Variants in TBC1D5 observed in about 807,000 individuals in gnomAD.
TBC1D5 encodes the protein TBC1 domain family member 5.
TBC1D5 carries 75 observed loss-of-function variants against 100.3 expected under a neutral mutation model. The ratio of observed to expected loss-of-function variants is 0.75; its 90% CI spans 0.62 to 0.91. The LOEUF is 0.91. Ranked by LOEUF, TBC1D5 falls within the 40% of genes least tolerant of loss-of-function variation. The pLI, the probability that TBC1D5 is intolerant of heterozygous loss-of-function variation, is 0.00. For synonymous variants in TBC1D5, 323 were observed against 325.6 expected (o/e 0.99, Z 0.09); for missense variants, 910 against 942.4 (o/e 0.97, Z 0.45).
intron 8 of TBC1D5, 38 bp downstream of exon 8, chr3:17,403,143 T>G (rs1441991090): frequency 6.7e-7 from 1 of 1,501,892 alleles, no homozygotes; most frequent in Admixed American, 2.1e-5. Context: ...AACAACAATT[T>G]GAATTATTGA....
chr3:17,606,316 G>T (rs1015083604), intron 2 of TBC1D5, among the ~76,000 whole-genome samples: 1 of 152,132 alleles, frequency 6.6e-6, no homozygotes, highest in African/African-American at 2.4e-5. Context: ...GGTGGCATGC[G>T]CCTGGGGTTC....
At chr3:17,397,638 G>C (rs1406347820) in intron 8 of TBC1D5, among the ~76,000 whole-genome samples, 1 of 152,150 alleles carries the variant, frequency 6.6e-6, no homozygotes, top group Non-Finnish European at 1.5e-5. Flanking sequence ...TGGCCTCCCA[G>C]AGTGCTGGGA....
At chr3:17,506,018 A>C (rs1296853227) in intron 3 of TBC1D5, among the ~76,000 whole-genome samples, 4 of 152,246 alleles carry the variant, frequency 2.6e-5, no homozygotes, top group Non-Finnish European at 1.5e-5. Context: ...TAAAAATTAC[A>C]CATAACTTCT....
chr3:17,721,919 T>C lies in TBC1D5; in HGVS notation c.-101+17424A>G, dbSNP rs533129612. Among the ~76,000 whole-genome samples, 10 of 151,866 alleles carry C rather than the reference T, an allele frequency of 6.6e-5. No individual in the cohort carries two copies. The East Asian group carries it at 1.7e-3, about 27-fold the overall frequency. On this transcript the variant is annotated intron_variant, in intron 1 of 21. Transcript: ENST00000253692. ...ATCATTTGAACCCAGGAGGCAGAGATTGCAGTGAGCCGAGATCACGCCATT... is the reference window on the plus strand; with the variant it reads ...ATCATTTGAACCCAGGAGGCAGAGACTGCAGTGAGCCGAGATCACGCCATT...
intron 13 of TBC1D5, among the ~76,000 whole-genome samples, chr3:17,323,903 CATATT>C (rs2150990162): frequency 6.6e-6 from 1 of 152,256 alleles, no homozygotes; most frequent in African/African-American, 2.4e-5. Context: ...TTGGAGGACT[CATATT>C]ATGTGATATA....
chr3:17,314,016 T>C (rs1454856644), intron 13 of TBC1D5, among the ~76,000 whole-genome samples: 5 of 152,174 alleles, frequency 3.3e-5, no homozygotes, highest in African/African-American at 9.7e-5. Context: ...GAAAGTGCCC[T>C]GACCCTGTCT....
chr3:17,444,987 T>C (rs186490343), intron 3 of TBC1D5, among the ~76,000 whole-genome samples: 75 of 152,294 alleles, frequency 4.9e-4, no homozygotes, highest in Admixed American at 1.8e-3. Context: ...AATAACTTCA[T>C]TGAAAGTCAG....
chr3:17,196,997 A>C (rs1312120086), intron 18 of TBC1D5, among the ~76,000 whole-genome samples: 2 of 152,220 alleles, frequency 1.3e-5, no homozygotes, highest in Non-Finnish European at 2.9e-5. Flanking sequence ...ACGCAGCTAC[A>C]CGTAGGAATG....
chr3:17,426,627 C>A (rs1261281784), intron 4 of TBC1D5, among the ~76,000 whole-genome samples: 1 of 151,836 alleles, frequency 6.6e-6, no homozygotes, highest in Non-Finnish European at 1.5e-5. Context: ...ATTTAGTTAA[C>A]AACGTAAGTA....
chr3:17,176,637 C>G, intron 19 of TBC1D5, among the ~76,000 whole-genome samples: 1 of 152,008 alleles, frequency 6.6e-6, no homozygotes, highest in Admixed American at 6.6e-5. Context: ...ACATCATACA[C>G]TGGGGCCTGT....
chr3:17,426,123 AG>A (rs1167060484), intron 4 of TBC1D5, among the ~76,000 whole-genome samples: 2 of 152,214 alleles, frequency 1.3e-5, no homozygotes, highest in African/African-American at 4.8e-5. Flanking sequence ...GTCATGCAAA[AG>A]GACATCTGAG....
At chr3:17,459,529 T>G (rs752764643) in intron 3 of TBC1D5, among the ~76,000 whole-genome samples, 1 of 152,216 alleles carries the variant, frequency 6.6e-6, no homozygotes, top group Non-Finnish European at 1.5e-5. Flanking sequence ...CATTCAAAAA[T>G]GATACTGTAG....
At chr3:17,477,186 A>G (rs1441750676) in intron 3 of TBC1D5, among the ~76,000 whole-genome samples, 1 of 151,990 alleles carries the variant, frequency 6.6e-6, no homozygotes, top group African/African-American at 2.4e-5. Flanking sequence ...AATAAGCTAA[A>G]TTACAAAAAT....
intron 2 of TBC1D5, among the ~76,000 whole-genome samples, chr3:17,560,407 C>T (rs767925255): frequency 7.2e-5 from 11 of 151,964 alleles, no homozygotes; most frequent in Admixed American, 1.3e-4. Context: ...CACTTGAAGC[C>T]AGGAGTTCAA....
intron 2 of TBC1D5, among the ~76,000 whole-genome samples, chr3:17,538,909 T>C (rs1176423496): frequency 2.0e-5 from 3 of 152,212 alleles, no homozygotes; most frequent in East Asian, 1.9e-4. Context: ...AGGCCAATCA[T>C]GGTGGATCAC....
At chr3:17,608,957 C>T (rs978488864) in intron 2 of TBC1D5, among the ~76,000 whole-genome samples, 1 of 152,192 alleles carries the variant, frequency 6.6e-6, no homozygotes, top group Admixed American at 6.5e-5. Context: ...CTGCAGCCTC[C>T]AGTGGTATTC....
At chr3:17,399,014 A>G (rs1164597861) in intron 8 of TBC1D5, among the ~76,000 whole-genome samples, 1 of 152,160 alleles carries the variant, frequency 6.6e-6, no homozygotes, top group Non-Finnish European at 1.5e-5. Flanking sequence ...CAGGCCTTGA[A>G]TGGTTAGCTG....
At chr3:17,716,104 T>C (rs2075217978) in intron 1 of TBC1D5, among the ~76,000 whole-genome samples, 1 of 152,128 alleles carries the variant, frequency 6.6e-6, no homozygotes, top group South Asian at 2.1e-4. Flanking sequence ...CTGAGACGCT[T>C]GGCACCATGA....
chr3:17,265,440 G>A (rs1289484824), intron 15 of TBC1D5, among the ~76,000 whole-genome samples: 2 of 151,976 alleles, frequency 1.3e-5, no homozygotes, highest in African/African-American at 4.8e-5. Context: ...AAGCTCTGAA[G>A]GAGAAACAGC....
Sources: gnomAD v4.1 joint callset for allele counts (sites outside exome capture counted in the v4.1 genomes callset) on GRCh38, gnomAD v4.1.1 for gene constraint, MANE v1.5 for transcripts, NCBI Gene and HGNC (gene_info 2026-07-23, HGNC 2026-07-21) for gene names.